Variants in FARP1 observed in about 807,000 individuals in gnomAD.
FARP1 encodes FERM, ARHGEF and pleckstrin domain-containing protein 1.
In FARP1, 52 loss-of-function variants were observed where a neutral mutation model predicts 128.8. That is an observed-to-expected ratio of 0.40 (90% confidence interval 0.32 to 0.51). FARP1 has a LOEUF of 0.51. Ranked by LOEUF, FARP1 falls within the 20% of genes least tolerant of loss-of-function variation. The pLI is 0.45. For synonymous variants in FARP1, 580 were observed against 551.8 expected, an observed-to-expected ratio of 1.05 and a Z score of -0.72; for missense variants, 1,333 against 1,367.9, an observed-to-expected ratio of 0.97 and a Z score of 0.40.
At chr13:98,318,132 C>T (rs1886817708) in intron 2 of FARP1, among the ~76,000 whole-genome samples, 2 of 144,546 alleles carry the variant, frequency 1.4e-5, no homozygotes, top group Admixed American at 1.4e-4. Flanking sequence ...TGCAGTGGCA[C>T]AATCATGGCT....
intron 17 of FARP1, among the ~76,000 whole-genome samples, chr13:98,427,322 C>T (rs1331044059): frequency 6.6e-6 from 1 of 152,156 alleles, no homozygotes; most frequent in Non-Finnish European, 1.5e-5. Context: ...CGTCCTTTTT[C>T]CTCTCTCATG....
chr13:98,359,013 A>T (rs1888754764), intron 3 of FARP1, among the ~76,000 whole-genome samples: 1 of 152,186 alleles, frequency 6.6e-6, no homozygotes, highest in South Asian at 2.1e-4. Context: ...ATATTTTTCT[A>T]TGACAAATAT....
intron 5 of FARP1, among the ~76,000 whole-genome samples, chr13:98,370,486 C>T (rs2761371): frequency 0.03 from 4,361 of 147,212 alleles, 217 homozygotes; most frequent in African/African-American, 0.1. Flanking sequence ...GAACAGGTAC[C>T]GGAAGCAGGG....
intron 1 of FARP1, among the ~76,000 whole-genome samples, chr13:98,201,280 A>G (rs1054492241): frequency 6.6e-6 from 1 of 152,182 alleles, no homozygotes; most frequent in Non-Finnish European, 1.5e-5. Context: ...CTTTCACTAC[A>G]AAAATTAAAA....
At chr13:98,411,227 G>T (rs1003861174) in intron 15 of FARP1, among the ~76,000 whole-genome samples, 1 of 152,138 alleles carries the variant, frequency 6.6e-6, no homozygotes, top group Non-Finnish European at 1.5e-5. Flanking sequence ...CGCAAAATCT[G>T]CCAGAAGACC....
intron 2 of FARP1, among the ~76,000 whole-genome samples, chr13:98,331,580 A>C (rs1397527062): frequency 6.6e-6 from 1 of 152,256 alleles, no homozygotes; most frequent in African/African-American, 2.4e-5. Context: ...AAATAACACA[A>C]CATATTTCAA....
chr13:98,445,954 A>C, intron 24 of FARP1, 144 bp from the exon 25 acceptor site: 2 of 601,790 alleles, frequency 3.3e-6, no homozygotes, highest in Non-Finnish European at 6.0e-6. Flanking sequence ...AAGTCTCCCC[A>C]CACACGGGGG....
At chr13:98,405,156 G>C (rs1483555100) in intron 13 of FARP1, 1 of 152,170 alleles carries the variant, frequency 6.6e-6, no homozygotes, top group Non-Finnish European at 1.5e-5. Context: ...CCTGGCTTTG[G>C]CTCACTGATG....
intron 2 of FARP1, among the ~76,000 whole-genome samples, chr13:98,238,686 GC>G (rs1566780819): frequency 6.6e-6 from 1 of 152,116 alleles, no homozygotes; most frequent in Non-Finnish European, 1.5e-5. Context: ...GGAAAGACCT[GC>G]CCCCATGATT....
intron 2 of FARP1, among the ~76,000 whole-genome samples, chr13:98,267,589 A>T (rs1415282829): frequency 6.6e-6 from 1 of 152,164 alleles, no homozygotes; most frequent in Admixed American, 6.5e-5. Context: ...TTATTGGAAA[A>T]TGTTCCAGCC....
chr13:98,316,462 T>C (rs1156427635), intron 2 of FARP1, among the ~76,000 whole-genome samples: 1 of 152,220 alleles, frequency 6.6e-6, no homozygotes, highest in Admixed American at 6.5e-5. Flanking sequence ...ACACAGCCCA[T>C]GCGTGGCAGA....
At chr13:98,290,491 G>T (rs1258339481) in intron 2 of FARP1, among the ~76,000 whole-genome samples, 1 of 152,040 alleles carries the variant, frequency 6.6e-6, no homozygotes, top group African/African-American at 2.4e-5. Context: ...GTGTCTTTAA[G>T]GAACCGCAAG....
intron 26 of FARP1, chr13:98,447,576 G>A (rs900049946): frequency 1.3e-5 from 2 of 152,602 alleles, no homozygotes; most frequent in African/African-American, 4.8e-5. Flanking sequence ...CCACCCACTA[G>A]ATGCCCGCAG....
intron 2 of FARP1, among the ~76,000 whole-genome samples, chr13:98,308,448 G>A (rs1886291290): frequency 6.6e-6 from 1 of 151,618 alleles, no homozygotes; most frequent in Non-Finnish European, 1.5e-5. Flanking sequence ...CTGAGGAAGG[G>A]GAATGGACGA....
At position 98,412,024 on chromosome 13, in the gene FARP1, C is replaced by G. The variant is rs561765791; in HGVS notation, c.1816C>G (p.Leu606Val). The change falls in exon 16 of 27, where the codon CTT becomes GTT. Residue 606 changes from leucine to valine, a missense_variant. Transcript: ENST00000319562. ...TNFLKEIEQR[L>V]ALWEGRSNAQ... ...TTTTCTCAAGGAAATTGAGCAACGA[C>G]TTGCCCTGTGGTGAGTACATTTCTA... 37 of 1,614,120 alleles carry G rather than the reference C, an allele frequency of 2.3e-5. No individual in the cohort carries two copies. The highest frequency in any genetic ancestry group is 1.6e-4 in the Middle Eastern group (1 of 6,062).
At chr13:98,388,309 A>C in intron 8 of FARP1, 74 bp from the exon 9 acceptor site, 1 of 1,138,860 alleles carries the variant, frequency 8.8e-7, no homozygotes, top group Non-Finnish European at 1.3e-6. Context: ...TTTAGCTCCC[A>C]TAAGCAAAAC....
At chr13:98,375,637 T>A (rs887708327) in intron 5 of FARP1, among the ~76,000 whole-genome samples, 1 of 152,104 alleles carries the variant, frequency 6.6e-6, no homozygotes, top group African/African-American at 2.4e-5. Flanking sequence ...TTGTTTTTGT[T>A]TTTGTTTTGA....
At chr13:98,259,055 T>TA (rs111692282) in intron 2 of FARP1, among the ~76,000 whole-genome samples, 7,910 of 150,840 alleles carry the variant, frequency 0.052, 328 homozygotes, top group African/African-American at 0.11. Context: ...CTACAAAAAA[T>TA]AAAAAAAAAT....
chr13:98,306,640 G>A (rs1886176156), intron 2 of FARP1, among the ~76,000 whole-genome samples: 1 of 151,402 alleles, frequency 6.6e-6, no homozygotes, highest in Non-Finnish European at 1.5e-5. Flanking sequence ...TCAGCCTCCT[G>A]AGTAGCTGGG....
Sources: allele counts gnomAD v4.1 joint callset (sites outside exome capture counted in the v4.1 genomes callset), GRCh38; gene constraint gnomAD v4.1.1; transcripts MANE v1.5; gene names NCBI Gene and HGNC (gene_info 2026-07-23, HGNC 2026-07-21).